Variants in GASK1B observed in about 807,000 individuals in gnomAD.
GASK1B encodes Golgi-associated kinase 1B.
A neutral mutation model predicts 42.8 loss-of-function variants in GASK1B; 34 were observed. The ratio of observed to expected loss-of-function variants is 0.79; its 90% CI spans 0.60 to 1.06. GASK1B has a LOEUF of 1.06. GASK1B is among the 50% of genes least tolerant of loss of function. The pLI is 0.00. For synonymous variants in GASK1B, 262 were observed against 259.1 expected (o/e 1.01, Z -0.11); for missense variants, 686 against 661.0 (o/e 1.04, Z -0.42).
intron 2 of GASK1B, chr4:158,170,044 C>A: frequency 3.3e-6 from 2 of 604,884 alleles, no homozygotes; most frequent in Non-Finnish European, 5.7e-6. Flanking sequence ...CGATAACCCG[C>A]TTCCCCCTTA....
intron 3 of GASK1B, among the ~76,000 whole-genome samples, chr4:158,146,854 G>A (rs924082308): frequency 5.9e-5 from 9 of 152,312 alleles, no homozygotes; most frequent in African/African-American, 1.7e-4. Context: ...CCTAATGGAG[G>A]TGAATTTTTG....
intron 2 of GASK1B, chr4:158,169,918 G>T: frequency 6.4e-6 from 2 of 312,704 alleles, no homozygotes; most frequent in African/African-American, 2.1e-5. Flanking sequence ...ACCAATTTTT[G>T]CTCATTCTTT....
rs1055186188 is a variant in GASK1B at position 158,126,423 on chromosome 4, A to G, written c.*984T>C. ...CATGTTGAAATAAGCCAGATAATAT[A>G]TTGAAACACACTCAATATTTGAACC... On this transcript the variant is annotated 3_prime_UTR_variant, in exon 5 of 5. Transcript: ENST00000585682. 6.6e-6 allele frequency: 1 copy of G among 152,184 alleles called. No individual in the cohort carries two copies. Among genetic ancestry groups the G allele is most frequent in the African/African-American group, 2.4e-5 (1 of 41,468 alleles). 9.4% of individuals were successfully genotyped at this position (152,184 alleles called of 1,614,324 possible).
intron 2 of GASK1B, among the ~76,000 whole-genome samples, chr4:158,161,196 G>C (rs1731985351): frequency 6.6e-6 from 1 of 151,690 alleles, no homozygotes. Context: ...TAAGGTGATG[G>C]ATTTTTAAAT....
intron 3 of GASK1B, among the ~76,000 whole-genome samples, chr4:158,137,598 A>G (rs1730949955): frequency 6.6e-6 from 1 of 152,138 alleles, no homozygotes; most frequent in African/African-American, 2.4e-5. Context: ...ATGAGTGTAT[A>G]AAGGGACACT....
intron 2 of GASK1B, among the ~76,000 whole-genome samples, chr4:158,163,506 T>G (rs1483073528): frequency 6.6e-6 from 1 of 151,372 alleles, no homozygotes; most frequent in Admixed American, 6.6e-5. Context: ...GAGGCAGAGG[T>G]TGCAGTGAGC....
intron 3 of GASK1B, among the ~76,000 whole-genome samples, chr4:158,143,127 G>A (rs1025703456): frequency 2.0e-5 from 3 of 152,124 alleles, no homozygotes; most frequent in African/African-American, 4.8e-5. Flanking sequence ...ATCTTCTAGT[G>A]ATACATACTG....
intron 3 of GASK1B, among the ~76,000 whole-genome samples, chr4:158,146,233 G>T (rs1264364126): frequency 6.6e-6 from 1 of 151,808 alleles, no homozygotes; most frequent in Non-Finnish European, 1.5e-5. Flanking sequence ...AGTTGAAAAA[G>T]ACAGGGACTT....
chr4:158,151,598 C>CTCTA (rs1731560811), intron 3 of GASK1B, among the ~76,000 whole-genome samples: 1 of 152,156 alleles, frequency 6.6e-6, no homozygotes, highest in Admixed American at 6.5e-5. Context: ...CTGAATTGAC[C>CTCTA]TCTAAGCCTG....
chr4:158,150,333 G>A (rs987777210), intron 3 of GASK1B, among the ~76,000 whole-genome samples: 5 of 143,206 alleles, frequency 3.5e-5, no homozygotes, highest in Non-Finnish European at 6.1e-5. Flanking sequence ...TCCATCTGAG[G>A]CAAATATTGG....
At position 158,171,292 on chromosome 4, in the gene GASK1B, G is replaced by A. The variant is rs1368717991; in HGVS notation, c.84C>T (p.Ser28=). The change falls in exon 2 of 5, where the codon AGC becomes AGT. Residue 28 remains serine, a synonymous_variant. Transcript: ENST00000585682. ...LCVPRVRKLW[S]SRRPRTRRNL... The stretch of plus-strand genomic sequence containing the variant: ...TTCTCCGGGTCCTTGGACGCCGGCT[G>A]CTCCAGAGCTTACGCACCCGCGGGA... 4 of 1,613,354 alleles carry A rather than the reference G, an allele frequency of 2.5e-6. No homozygotes were observed. The highest frequency in any genetic ancestry group is 2.5e-6 in the Non-Finnish European group (3 of 1,179,830).
chr4:158,171,475 C>G lies in GASK1B; in HGVS notation c.-100G>C. 7.3e-7 allele frequency: 1 copy of G among 1,361,822 alleles called. No individual in the cohort carries two copies. Among genetic ancestry groups the G allele is most frequent in the Non-Finnish European group, 9.8e-7 (1 of 1,025,630 alleles). The allele number at this position is 1,361,822 out of a possible 1,614,324, so 84.4% of individuals were successfully genotyped here. A position where few individuals can be genotyped will look rare whatever the true frequency, so the allele number is the denominator to read the frequency against. On this transcript the variant is annotated 5_prime_UTR_variant, in exon 2 of 5. Transcript: ENST00000585682. The stretch of plus-strand genomic sequence containing the variant: ...CTGACTTCAGCTGCCGCGTCCGCTT[C>G]GGGATATAAGTGGTCTCCAGTGGGC...
chr4:158,162,586 G>C (rs1356848219), intron 2 of GASK1B, among the ~76,000 whole-genome samples: 1 of 152,182 alleles, frequency 6.6e-6, no homozygotes, highest in South Asian at 2.1e-4. Context: ...CATAGAGACA[G>C]GGATGTGCAG....
chr4:158,137,268 AC>A (rs1158973005), intron 3 of GASK1B, among the ~76,000 whole-genome samples: 1 of 149,668 alleles, frequency 6.7e-6, no homozygotes, highest in Non-Finnish European at 1.5e-5. Flanking sequence ...GACAGAAATA[AC>A]CAAAGGAAAT....
intron 3 of GASK1B, among the ~76,000 whole-genome samples, chr4:158,150,186 A>G (rs1252979248): frequency 6.6e-6 from 1 of 151,824 alleles, no homozygotes; most frequent in Non-Finnish European, 1.5e-5. Context: ...CGGCCTCCCA[A>G]AGTGCTGGGA....
intron 3 of GASK1B, among the ~76,000 whole-genome samples, chr4:158,154,482 C>G (rs761725971): frequency 4.0e-5 from 6 of 151,792 alleles, no homozygotes; most frequent in Non-Finnish European, 8.8e-5. Context: ...GTAGATCTAC[C>G]CTTTGATCCA....
At chr4:158,157,465 G>A (rs1353845910) in intron 2 of GASK1B, among the ~76,000 whole-genome samples, 1 of 151,986 alleles carries the variant, frequency 6.6e-6, no homozygotes, top group Non-Finnish European at 1.5e-5. Flanking sequence ...ATAAATTCCA[G>A]GTAAAAGCAA....
intron 4 of GASK1B, among the ~76,000 whole-genome samples, chr4:158,128,875 A>T (rs1435971174): frequency 6.6e-6 from 1 of 152,222 alleles, no homozygotes; most frequent in Non-Finnish European, 1.5e-5. Context: ...CTCTAGTATT[A>T]AGTAGCATTT....
At chr4:158,156,812 T>C (rs557567383) in intron 2 of GASK1B, among the ~76,000 whole-genome samples, 5 of 152,248 alleles carry the variant, frequency 3.3e-5, no homozygotes, top group African/African-American at 1.2e-4. Flanking sequence ...AAAGCCCACT[T>C]AACTCATTCT....
Sources: gnomAD v4.1 joint callset for allele counts (sites outside exome capture counted in the v4.1 genomes callset) on GRCh38, gnomAD v4.1.1 for gene constraint, MANE v1.5 for transcripts, NCBI Gene and HGNC (gene_info 2026-07-23, HGNC 2026-07-21) for gene names.